SH3GL2: variants seen among roughly 807,000 people sequenced by gnomAD.
SH3GL2 encodes the protein endophilin-A1.
A neutral mutation model predicts 46.0 loss-of-function variants in SH3GL2; 24 were observed. The observed-to-expected ratio is 0.52, with a 90% CI of 0.38 to 0.73. SH3GL2 has a LOEUF of 0.73. Ranked by LOEUF, SH3GL2 falls within the 30% of genes least tolerant of loss-of-function variation. The pLI, the probability that SH3GL2 is intolerant of heterozygous loss-of-function variation, is 0.00. For synonymous variants in SH3GL2, 196 were observed against 147.1 expected (o/e 1.33, Z -2.40); for missense variants, 413 against 424.2 (o/e 0.97, Z 0.23).
intron 3 of SH3GL2, among the ~76,000 whole-genome samples, chr9:17,761,742 T>C (rs889408722): frequency 1.3e-5 from 2 of 152,210 alleles, no homozygotes; most frequent in African/African-American, 2.4e-5. Context: ...GTGGTATATT[T>C]AACAAATAAT....
At chr9:17,746,904 T>G (rs190343574) in intron 1 of SH3GL2, among the ~76,000 whole-genome samples, 162 bp from the exon 2 acceptor site, 76 of 152,324 alleles carry the variant, frequency 5.0e-4, no homozygotes, top group African/African-American at 1.7e-3. Flanking sequence ...TTTCAGACCC[T>G]CAGAGCCACA....
In SH3GL2 at chr9:17,726,022, G is replaced by A. The variant is rs1182595748; in HGVS notation, c.46-21044G>A. 3.3e-5 allele frequency among the ~76,000 whole-genome samples: 5 copies of A among 152,062 alleles called. No individual in the cohort carries two copies. In the East Asian group the frequency reaches 9.7e-4, roughly 29 times the overall value. On this transcript the variant is annotated intron_variant, in intron 1 of 8. Transcript: ENST00000380607. ...CATTGCTCCAGTGCCACAGATTCTT[G>A]CCATTCTTACCAAGATTTAGTATAT... is the stretch of plus-strand genomic sequence containing the variant.
In SH3GL2 at chr9:17,789,354, G is replaced by C. The variant is rs758349691; in HGVS notation, c.466-38G>C. ...GAGCTCAAATAAGCCTTTTCCATAA[G>C]CCCTTTCAAAGCCTATTCCTGCCCT... On this transcript the variant is annotated intron_variant, in intron 5 of 8. Coordinates refer to ENST00000380607, the MANE Select transcript of SH3GL2 (RefSeq NM_003026.5). 3.0e-5 allele frequency: 47 copies of C among 1,581,454 alleles called. No individual in the cohort carries two copies. The South Asian group carries it at 4.2e-4, about 14-fold the overall frequency.
intron 1 of SH3GL2, among the ~76,000 whole-genome samples, chr9:17,615,706 T>TA (rs1488654476): frequency 6.6e-6 from 1 of 151,198 alleles, no homozygotes; most frequent in African/African-American, 2.4e-5. Flanking sequence ...AATATGTGTT[T>TA]ATTGTTAAAA....
intron 1 of SH3GL2, among the ~76,000 whole-genome samples, chr9:17,630,631 G>A (rs1819399552): frequency 6.6e-6 from 1 of 152,200 alleles, no homozygotes; most frequent in South Asian, 2.1e-4. Flanking sequence ...AGACTTTTGT[G>A]ATGGTTACAT....
intron 1 of SH3GL2, among the ~76,000 whole-genome samples, chr9:17,702,613 C>G (rs939336222): frequency 1.1e-4 from 16 of 152,046 alleles, no homozygotes; most frequent in African/African-American, 3.9e-4. Context: ...ATCATTGCAT[C>G]TAAAACAACC....
intron 1 of SH3GL2, among the ~76,000 whole-genome samples, chr9:17,709,070 A>T (rs936868689): frequency 5.3e-5 from 8 of 151,972 alleles, no homozygotes; most frequent in Non-Finnish European, 1.0e-4. Flanking sequence ...TCTTACTCCT[A>T]TCAAGACATT....
chr9:17,654,129 A>G (rs781491957), intron 1 of SH3GL2, among the ~76,000 whole-genome samples: 1 of 152,148 alleles, frequency 6.6e-6, no homozygotes, highest in Non-Finnish European at 1.5e-5. Flanking sequence ...AGAAATCTGG[A>G]GTCAGATGAT....
chr9:17,787,346 T>C (rs752335394), intron 4 of SH3GL2, 34 bp from the exon 5 acceptor site: 1 of 1,593,540 alleles, frequency 6.3e-7, no homozygotes, highest in South Asian at 1.1e-5. Flanking sequence ...TTCATCTTTA[T>C]TCTGTAACAT....
At chr9:17,750,629 C>T (rs1822815632) in intron 2 of SH3GL2, among the ~76,000 whole-genome samples, 1 of 152,168 alleles carries the variant, frequency 6.6e-6, no homozygotes, top group Non-Finnish European at 1.5e-5. Flanking sequence ...CTTTGTTAAA[C>T]ACAGGCTAAA....
intron 1 of SH3GL2, among the ~76,000 whole-genome samples, chr9:17,665,722 G>T (rs138829812): frequency 1.3e-5 from 2 of 151,588 alleles, no homozygotes; most frequent in Non-Finnish European, 2.9e-5. Flanking sequence ...AGTACTCTAA[G>T]GACCCCTGGT....
chr9:17,717,573 C>T (rs1190354461), intron 1 of SH3GL2, among the ~76,000 whole-genome samples: 8 of 152,072 alleles, frequency 5.3e-5, no homozygotes, highest in Non-Finnish European at 1.0e-4. Flanking sequence ...TTTACTGAGT[C>T]AGATACCATG....
At chr9:17,612,707 C>T (rs370214577) in intron 1 of SH3GL2, among the ~76,000 whole-genome samples, 1 of 152,168 alleles carries the variant, frequency 6.6e-6, no homozygotes, top group African/African-American at 2.4e-5. Flanking sequence ...TGAAAGTGTA[C>T]TGTTTAAACC....
rs116742529 is a variant in SH3GL2, at chr9:17,766,242, G to T, written c.187+4733G>T. Among the ~76,000 whole-genome samples, 581 of 152,366 alleles carry T rather than the reference G, an allele frequency of 3.8e-3. 5 individuals carry two copies. The highest frequency in any genetic ancestry group is 0.013 in the African/African-American group (552 of 41,590). On this transcript the variant is annotated intron_variant, in intron 3 of 8. Transcript: ENST00000380607. ...AGCGGGATCACAGGCTTAAACGTCTGCCCTGTGAGGGTGGGCTTTCGAGAA... is the reference window on the plus strand; with the variant it reads ...AGCGGGATCACAGGCTTAAACGTCTTCCCTGTGAGGGTGGGCTTTCGAGAA...
intron 5 of SH3GL2, 101 bp downstream of exon 5, chr9:17,787,614 G>T: frequency 5.5e-6 from 5 of 906,886 alleles, no homozygotes; most frequent in Non-Finnish European, 8.5e-6. Context: ...CCTGTGTGTT[G>T]TCAGCTCTGG....
chr9:17,705,461 A>G (rs1298068904), intron 1 of SH3GL2, among the ~76,000 whole-genome samples: 1 of 150,920 alleles, frequency 6.6e-6, no homozygotes, highest in African/African-American at 2.4e-5. Flanking sequence ...GCACAGCAGT[A>G]TTCACAGTAG....
At chr9:17,697,722 T>C (rs1274298378) in intron 1 of SH3GL2, among the ~76,000 whole-genome samples, 1 of 152,204 alleles carries the variant, frequency 6.6e-6, no homozygotes, top group Non-Finnish European at 1.5e-5. Context: ...CCTTCTAGAC[T>C]CCTAACCTTG....
Position 17,707,636 on chromosome 9 carries a change from C to G in SH3GL2, c.46-39430C>G, listed in dbSNP as rs202195932. Among the ~76,000 whole-genome samples the G allele has an allele frequency of 3.3e-5, 5 of 152,178 alleles. No individual in the cohort carries two copies. In the East Asian group the frequency reaches 9.7e-4, roughly 29 times the overall value. ...CTCAAATTAAATATTCCATTTCAGT[C>G]ATTAACTGATGTGAAAAACTCTTCC... On this transcript the variant is annotated intron_variant, in intron 1 of 8. Coordinates refer to ENST00000380607, the MANE Select transcript of SH3GL2 (RefSeq NM_003026.5).
intron 1 of SH3GL2, among the ~76,000 whole-genome samples, chr9:17,728,835 A>G (rs1588278994): frequency 6.6e-6 from 1 of 152,154 alleles, no homozygotes; most frequent in South Asian, 2.1e-4. Flanking sequence ...ATAGTATTCC[A>G]TGGTGTATAT....
Sources: allele counts gnomAD v4.1 joint callset (sites outside exome capture counted in the v4.1 genomes callset), GRCh38; gene constraint gnomAD v4.1.1; transcripts MANE v1.5; gene names NCBI Gene and HGNC (gene_info 2026-07-23, HGNC 2026-07-21).